SNX4: variants seen among roughly 807,000 people sequenced by gnomAD.
The protein encoded by SNX4 is sorting nexin-4.
In SNX4, 49 loss-of-function variants were observed where a neutral mutation model predicts 70.8. The observed-to-expected ratio is 0.69, with a 90% CI of 0.55 to 0.88. SNX4 has a LOEUF of 0.88. Among genes scored for constraint, SNX4 ranks in the 40% least tolerant of loss-of-function variants. The pLI, the probability that SNX4 is intolerant of heterozygous loss-of-function variation, is 0.00. For synonymous variants in SNX4, 206 were observed against 183.8 expected (o/e 1.12, Z -0.98); for missense variants, 528 against 544.8 (o/e 0.97, Z 0.31).
At chr3:125,490,449 G>A (rs1416917896) in intron 5 of SNX4, among the ~76,000 whole-genome samples, 2 of 150,132 alleles carry the variant, frequency 1.3e-5, no homozygotes, top group African/African-American at 2.5e-5. Flanking sequence ...GCGTGAACCC[G>A]GGAGGCGGAG....
At chr3:125,458,207 C>CT (rs1253266983) in intron 10 of SNX4, among the ~76,000 whole-genome samples, 1 of 139,254 alleles carries the variant, frequency 7.2e-6, no homozygotes, top group East Asian at 2.1e-4. Flanking sequence ...AGGTCTCACT[C>CT]TGTCACCCAG....
At chr3:125,456,521 C>CTA (rs1933720581) in intron 11 of SNX4, among the ~76,000 whole-genome samples, 1 of 152,080 alleles carries the variant, frequency 6.6e-6, no homozygotes, top group Non-Finnish European at 1.5e-5. Flanking sequence ...GGGGCACATG[C>CTA]CTGTGGTCCC....
chr3:125,467,329 G>C (rs1934052796), intron 9 of SNX4, among the ~76,000 whole-genome samples: 1 of 152,014 alleles, frequency 6.6e-6, no homozygotes, highest in Non-Finnish European at 1.5e-5. Flanking sequence ...AGAGGTTGCA[G>C]TGAGCCAAGA....
intron 5 of SNX4, among the ~76,000 whole-genome samples, chr3:125,494,989 C>A (rs1046448278): frequency 6.6e-6 from 1 of 152,056 alleles, no homozygotes; most frequent in Non-Finnish European, 1.5e-5. Context: ...TGTCTCCACT[C>A]ACTTTTTAAT....
intron 9 of SNX4, among the ~76,000 whole-genome samples, chr3:125,465,294 GGA>G (rs767697499): frequency 8.0e-5 from 12 of 150,824 alleles, no homozygotes; most frequent in Non-Finnish European, 1.8e-4. Flanking sequence ...CACCCAGGCT[GGA>G]GTGCAATGGT....
chr3:125,499,144 G>A (rs1434098930), intron 2 of SNX4, among the ~76,000 whole-genome samples: 1 of 152,038 alleles, frequency 6.6e-6, no homozygotes, highest in Non-Finnish European at 1.5e-5. Context: ...ATTTACTTTT[G>A]GCAGAAAGTT....
intron 1 of SNX4, among the ~76,000 whole-genome samples, chr3:125,513,031 C>T (rs1559827066): frequency 5.9e-5 from 9 of 152,128 alleles, no homozygotes. Flanking sequence ...ATGTGGAAAA[C>T]AGAGATAATA....
intron 8 of SNX4, among the ~76,000 whole-genome samples, chr3:125,475,270 CA>C (rs142937677): frequency 0.048 from 7,324 of 152,242 alleles, 414 homozygotes; most frequent in African/African-American, 0.13. Context: ...ATCTTACATT[CA>C]AATAAATTAT....
rs1424486192 is a variant in SNX4 at position 125,520,166 on chromosome 3, G to A, written c.7C>T (p.Gln3Ter). ME[Q>*]APPDPERQLQ... Reference sequence around the variant, plus strand: ...TGCCGCTCGGGGTCCGGAGGTGCCTGCTCCATGGCTGCAGTTCGGCGCGGC... The same window carrying A: ...TGCCGCTCGGGGTCCGGAGGTGCCTACTCCATGGCTGCAGTTCGGCGCGGC... Residue 3 changes from glutamine to a stop codon, truncating the protein, a stop_gained, in exon 1 of 14, where the codon CAG (glutamine) becomes TAG (stop). Coordinates refer to ENST00000251775, the MANE Select transcript of SNX4 (RefSeq NM_003794.4). LOFTEE classifies it high-confidence loss of function. 1.4e-6 allele frequency: 2 copies of A among 1,389,580 alleles called. No individual in the cohort carries two copies. Among genetic ancestry groups the A allele is most frequent in the Middle Eastern group, 2.6e-4 (1 of 3,812 alleles). The allele number at this position is 1,389,580 out of a possible 1,614,324, so 86.1% of individuals were successfully genotyped here.
intron 8 of SNX4, among the ~76,000 whole-genome samples, chr3:125,471,642 A>C (rs2107538721): frequency 6.6e-6 from 1 of 152,348 alleles, no homozygotes; most frequent in East Asian, 1.9e-4. Context: ...TTCAATTAAC[A>C]GAACACAACA....
At chr3:125,467,571 T>C (rs905842314) in intron 9 of SNX4, among the ~76,000 whole-genome samples, 2 of 149,990 alleles carry the variant, frequency 1.3e-5, no homozygotes, top group Non-Finnish European at 2.9e-5. Flanking sequence ...TGGTTATTAT[T>C]ATTATTTTTT....
chr3:125,498,254 TACAATC>T, intron 2 of SNX4, 60 bp from the exon 3 acceptor site: 1 of 1,377,792 alleles, frequency 7.3e-7, no homozygotes, highest in Non-Finnish European at 1.0e-6. Flanking sequence ...TACACATAAA[TACAATC>T]ACCTTTAAAA....
At position 125,480,266 on chromosome 3, in the gene SNX4, T is replaced by C; in HGVS notation, c.707A>G (p.His236Arg). Residue 236 changes from histidine (H) to arginine (R), a missense_variant, in exon 7 of 14, where the codon CAT becomes CGT. By Grantham distance (29) the His-to-Arg change is conservative. Around this residue, in one of 3 missense-constraint regions of SNX4, gnomAD observed 341 missense variants for 312.2 expected, o/e 1.09. Coordinates refer to ENST00000251775, the MANE Select transcript of SNX4 (RefSeq NM_003794.4). ...YSDELQSVISHLLRVRARVAD... is the reference protein window; with the variant it reads ...YSDELQSVISRLLRVRARVAD... ...ACTTACAGCTCTGACTCGAAGAAGATGTGAGATGACAGACTGCAGTTCATC... is the reference window on the plus strand; with the variant it reads ...ACTTACAGCTCTGACTCGAAGAAGACGTGAGATGACAGACTGCAGTTCATC... 3 of 1,566,602 alleles carry C rather than the reference T, an allele frequency of 1.9e-6. No individual in the cohort carries two copies. Among genetic ancestry groups the C allele is most frequent in the Non-Finnish European group, 8.7e-7 (1 of 1,153,568 alleles).
intron 12 of SNX4, among the ~76,000 whole-genome samples, chr3:125,452,416 A>C (rs1487712981): frequency 1.3e-5 from 2 of 152,034 alleles, no homozygotes; most frequent in South Asian, 2.1e-4. Flanking sequence ...GTTTTAAATC[A>C]CAACCAAAGT....
At chr3:125,455,987 A>G (rs758321053) in intron 11 of SNX4, among the ~76,000 whole-genome samples, 8 of 152,214 alleles carry the variant, frequency 5.3e-5, no homozygotes, top group Non-Finnish European at 8.8e-5. Context: ...TGGGCAACAG[A>G]GCGAAACTCG....
intron 4 of SNX4, 38 bp from the exon 5 acceptor site, chr3:125,497,426 A>G: frequency 8.3e-7 from 1 of 1,206,844 alleles, no homozygotes; most frequent in Non-Finnish European, 1.2e-6. Flanking sequence ...CATTATTGCA[A>G]AGCAAATATT....
chr3:125,499,759 G>GT (rs1580003724), intron 2 of SNX4, among the ~76,000 whole-genome samples: 2 of 111,626 alleles, frequency 1.8e-5, no homozygotes, highest in East Asian at 5.4e-4. Flanking sequence ...CTGCATAAGT[G>GT]TTTAAAAAAA....
chr3:125,516,650 G>T (rs1327932200), intron 1 of SNX4, among the ~76,000 whole-genome samples: 1 of 152,158 alleles, frequency 6.6e-6, no homozygotes, highest in Non-Finnish European at 1.5e-5. Flanking sequence ...AGACCAGCCT[G>T]GCCAACATGG....
intron 5 of SNX4, among the ~76,000 whole-genome samples, chr3:125,490,524 C>CAAAAAAAAAA (rs1173858739): frequency 2.0e-5 from 1 of 48,896 alleles, no homozygotes; most frequent in Non-Finnish European, 4.3e-5. Context: ...ACTCTGTCTC[C>CAAAAAAAAAA]AAAAAAAAAA....
Sources: allele counts gnomAD v4.1 joint callset (sites outside exome capture counted in the v4.1 genomes callset), GRCh38; gene constraint gnomAD v4.1.1; regional missense constraint gnomAD v4.1.1; transcripts MANE v1.5; gene names NCBI Gene and HGNC (gene_info 2026-07-23, HGNC 2026-07-21).